The following RAB3C variants were observed in gnomAD, a reference collection of about 807,000 sequenced individuals.
RAB3C encodes ras-related protein Rab-3C.
In RAB3C, 17 loss-of-function variants were observed where a neutral mutation model predicts 26.4. That is an observed-to-expected ratio of 0.64 (90% CI 0.44 to 0.97). The LOEUF is 0.97. Ranked by LOEUF, RAB3C falls within the 50% of genes least tolerant of loss-of-function variation. The pLI, the probability that RAB3C is intolerant of heterozygous loss-of-function variation, is 0.00. For synonymous variants in RAB3C, 91 were observed against 95.9 expected (o/e 0.95, Z 0.30); for missense variants, 242 against 281.9 (o/e 0.86, Z 1.01).
At chr5:58,642,168 A>C (rs1328190605) in intron 2 of RAB3C, among the ~76,000 whole-genome samples, 2 of 152,230 alleles carry the variant, frequency 1.3e-5, no homozygotes, top group East Asian at 3.8e-4. Context: ...GTTGATTCTA[A>C]ACATGGTGAA....
chr5:58,751,686 C>A (rs986259266), intron 3 of RAB3C, among the ~76,000 whole-genome samples: 1 of 152,188 alleles, frequency 6.6e-6, no homozygotes, highest in African/African-American at 2.4e-5. Context: ...GTGGTAACGA[C>A]TTCTAGTCAT....
intron 2 of RAB3C, among the ~76,000 whole-genome samples, chr5:58,697,399 G>A (rs974181331): frequency 3.3e-5 from 5 of 152,180 alleles, no homozygotes; most frequent in Non-Finnish European, 1.5e-5. Context: ...TGTATATTCT[G>A]TTGATTTGGG....
rs10471458 is a variant in RAB3C at position 58,685,049 on chromosome 5, G to A, written c.253-40953G>A. 5.9e-3 allele frequency among the ~76,000 whole-genome samples: 894 copies of A among 152,164 alleles called. 11 individuals carry two copies. The highest frequency in any genetic ancestry group is 0.02 in the African/African-American group (826 of 41,510). On this transcript the variant is annotated intron_variant, in intron 2 of 4. Coordinates refer to ENST00000282878, the MANE Select transcript of RAB3C (RefSeq NM_138453.4). ...TTTACTTAAAAAGAGAAATCCTTAA[G>A]CTTATGTTTAATAAGAAAATGTGAT...
chr5:58,837,202 G>A (rs1328770345), intron 4 of RAB3C, among the ~76,000 whole-genome samples: 2 of 151,710 alleles, frequency 1.3e-5, no homozygotes, highest in Non-Finnish European at 2.9e-5. Context: ...TTTTCTTGAG[G>A]CAGAGTCTTA....
intron 3 of RAB3C, among the ~76,000 whole-genome samples, chr5:58,800,276 C>A (rs929879563): frequency 5.9e-5 from 9 of 152,166 alleles, no homozygotes; most frequent in Non-Finnish European, 1.0e-4. Context: ...TTTGTTTGCA[C>A]CCTACATTTA....
At chr5:58,823,014 A>C (rs1743377931) in intron 3 of RAB3C, 2 of 612,224 alleles carry the variant, frequency 3.3e-6, no homozygotes, top group South Asian at 2.7e-5. Context: ...GCTGTTGATA[A>C]AGGCTGTTCT....
At chr5:58,618,501 G>A (rs1746871136) in intron 2 of RAB3C, among the ~76,000 whole-genome samples, 1 of 152,122 alleles carries the variant, frequency 6.6e-6, no homozygotes, top group South Asian at 2.1e-4. Context: ...TTCTCCCAAA[G>A]TTTTGAGACC....
chr5:58,749,498 G>A (rs1741476704), intron 3 of RAB3C, among the ~76,000 whole-genome samples: 1 of 152,148 alleles, frequency 6.6e-6, no homozygotes, highest in African/African-American at 2.4e-5. Flanking sequence ...TATGTCTGTA[G>A]GAGCAAGGAG....
At chr5:58,612,729 G>C (rs1252347038) in intron 1 of RAB3C, among the ~76,000 whole-genome samples, 1 of 151,644 alleles carries the variant, frequency 6.6e-6, no homozygotes, top group Non-Finnish European at 1.5e-5. Flanking sequence ...TTGGGCCAAG[G>C]CTACGGGGTT....
intron 4 of RAB3C, among the ~76,000 whole-genome samples, chr5:58,837,804 C>A (rs1743784840): frequency 6.6e-6 from 1 of 151,954 alleles, no homozygotes; most frequent in Admixed American, 6.5e-5. Context: ...AGTGATCCAC[C>A]CACCTTGGCT....
intron 2 of RAB3C, among the ~76,000 whole-genome samples, chr5:58,623,437 T>C (rs534093064): frequency 1.3e-5 from 2 of 152,358 alleles, no homozygotes; most frequent in East Asian, 1.9e-4. Context: ...CCAAAGCCAG[T>C]GACAGCTGCC....
At chr5:58,660,211 T>G (rs1451933846) in intron 2 of RAB3C, among the ~76,000 whole-genome samples, 2 of 150,112 alleles carry the variant, frequency 1.3e-5, no homozygotes, top group Non-Finnish European at 2.9e-5. Context: ...GCAAGGTAGA[T>G]AGATGTGAAC....
At chr5:58,820,210 TAA>T (rs59654318) in intron 3 of RAB3C, among the ~76,000 whole-genome samples, 11 of 136,474 alleles carry the variant, frequency 8.1e-5, no homozygotes, top group South Asian at 2.3e-4. Flanking sequence ...CACTGAAACT[TAA>T]AAAAAAAAAA....
chr5:58,671,955 T>G (rs1267047051), intron 2 of RAB3C, among the ~76,000 whole-genome samples: 1 of 152,130 alleles, frequency 6.6e-6, no homozygotes, highest in Non-Finnish European at 1.5e-5. Context: ...AAAAAAAACT[T>G]TAATTTTAAA....
At chr5:58,835,246 C>G (rs1340037970) in intron 4 of RAB3C, among the ~76,000 whole-genome samples, 2 of 152,128 alleles carry the variant, frequency 1.3e-5, no homozygotes, top group Admixed American at 6.6e-5. Flanking sequence ...TTTACTGAGA[C>G]TCTGGCACAT....
intron 3 of RAB3C, among the ~76,000 whole-genome samples, chr5:58,742,501 G>T (rs1299829023): frequency 6.6e-6 from 1 of 152,260 alleles, no homozygotes; most frequent in South Asian, 2.1e-4. Context: ...TAGATTTGCT[G>T]CCTGGTATTC....
At chr5:58,851,070 C>G (rs1283113408) in intron 4 of RAB3C, 94 bp from the exon 5 acceptor site, 2 of 1,223,642 alleles carry the variant, frequency 1.6e-6, no homozygotes, top group Non-Finnish European at 2.3e-6. Context: ...TGATGTCTCA[C>G]CATCACCTCA....
At chr5:58,778,608 T>G (rs1462703355) in intron 3 of RAB3C, among the ~76,000 whole-genome samples, 1 of 152,134 alleles carries the variant, frequency 6.6e-6, no homozygotes, top group African/African-American at 2.4e-5. Flanking sequence ...CTACTTATCA[T>G]GAAGCATTAG....
At chr5:58,675,326 A>G (rs1032687594) in intron 2 of RAB3C, among the ~76,000 whole-genome samples, 1 of 152,060 alleles carries the variant, frequency 6.6e-6, no homozygotes, top group Non-Finnish European at 1.5e-5. Context: ...CTTCACCTCT[A>G]TCAATTCTTC....
Sources: gnomAD v4.1 joint callset for allele counts (sites outside exome capture counted in the v4.1 genomes callset) on GRCh38, gnomAD v4.1.1 for gene constraint, MANE v1.5 for transcripts, NCBI Gene and HGNC (gene_info 2026-07-23, HGNC 2026-07-21) for gene names.